The following MACROD2 variants were observed in gnomAD, a reference collection of about 807,000 sequenced individuals.
MACROD2 encodes ADP-ribose glycohydrolase MACROD2.
A neutral mutation model predicts 70.4 loss-of-function variants in MACROD2; 36 were observed. The observed-to-expected ratio is 0.51, with a 90% CI of 0.39 to 0.68. The LOEUF is 0.68. Among genes scored for constraint, MACROD2 ranks in the 30% least tolerant of loss-of-function variants. The pLI, the probability that MACROD2 is intolerant of heterozygous loss-of-function variation, is 0.00. For synonymous variants in MACROD2, 172 were observed against 178.8 expected (o/e 0.96, Z 0.30); for missense variants, 496 against 538.4 (o/e 0.92, Z 0.78).
intron 3 of MACROD2, among the ~76,000 whole-genome samples, chr20:14,242,145 C>T (rs1478465813): frequency 6.6e-6 from 1 of 152,012 alleles, no homozygotes; most frequent in Non-Finnish European, 1.5e-5. Context: ...AACATGTAGT[C>T]CTGCATACAT....
At chr20:15,213,974 G>C (rs1011431452) in intron 5 of MACROD2, among the ~76,000 whole-genome samples, 12 of 151,706 alleles carry the variant, frequency 7.9e-5, no homozygotes, top group Admixed American at 2.6e-4. Flanking sequence ...TAAATTCCTG[G>C]CCTCAACTGA....
At chr20:15,830,015 G>T (rs906311340) in intron 8 of MACROD2, among the ~76,000 whole-genome samples, 2 of 152,176 alleles carry the variant, frequency 1.3e-5, no homozygotes, top group African/African-American at 4.8e-5. Context: ...CTGCAGGCAG[G>T]TGTGTATGAA....
chr20:15,182,261 G>C (rs550010414), intron 5 of MACROD2, among the ~76,000 whole-genome samples: 4 of 152,182 alleles, frequency 2.6e-5, no homozygotes, highest in Non-Finnish European at 5.9e-5. Flanking sequence ...TGGAGAGAGG[G>C]AGGGGAATAA....
At chr20:15,826,061 G>GTGC (rs1197295725) in intron 8 of MACROD2, among the ~76,000 whole-genome samples, 1 of 152,180 alleles carries the variant, frequency 6.6e-6, no homozygotes, top group African/African-American at 2.4e-5. Context: ...TCAGAAGGCA[G>GTGC]TGCTGTCTGC....
chr20:14,673,247 G>A (rs961132442), intron 4 of MACROD2, among the ~76,000 whole-genome samples: 5 of 152,176 alleles, frequency 3.3e-5, no homozygotes, highest in Non-Finnish European at 7.4e-5. Flanking sequence ...TTTGATTTAT[G>A]AGAGTCAGGA....
At chr20:14,979,840 G>A (rs1213756519) in intron 5 of MACROD2, among the ~76,000 whole-genome samples, 1 of 152,156 alleles carries the variant, frequency 6.6e-6, no homozygotes, top group Non-Finnish European at 1.5e-5. Context: ...ACTGAATTGA[G>A]TTTTGCCTTT....
intron 3 of MACROD2, among the ~76,000 whole-genome samples, chr20:14,160,700 T>A (rs2148717202): frequency 6.6e-6 from 1 of 152,190 alleles, no homozygotes; most frequent in East Asian, 1.9e-4. Context: ...CTTTTATATG[T>A]TTTTTAGTTT....
At chr20:14,818,410 C>T (rs1234471297) in intron 5 of MACROD2, among the ~76,000 whole-genome samples, 3 of 152,054 alleles carry the variant, frequency 2.0e-5, no homozygotes, top group Middle Eastern at 6.8e-3. Context: ...TGTCTTAGCC[C>T]GCTGGTCTCT....
chr20:15,799,714 C>T (rs956075807), intron 8 of MACROD2, among the ~76,000 whole-genome samples: 19 of 152,072 alleles, frequency 1.2e-4, no homozygotes, highest in African/African-American at 4.6e-4. Context: ...AGGTTGATTC[C>T]CCACCTTGAC....
In MACROD2 at chr20:14,134,720, G is replaced by T. The variant is rs542259746; in HGVS notation, c.271+48992G>T. On this transcript the variant is annotated intron_variant, in intron 3 of 17. Coordinates refer to ENST00000684519, the MANE Select transcript of MACROD2 (RefSeq NM_001351661.2). The stretch of plus-strand genomic sequence containing the variant: ...CTCAGGAGGCGGAGGCAGGAGAATC[G>T]CTTGAACCAGGAAGTCGGAAGTTGC... 3.1e-3 allele frequency among the ~76,000 whole-genome samples: 450 copies of T among 142,910 alleles called. 2 individuals carry two copies. The highest frequency in any genetic ancestry group is 0.011 in the African/African-American group (423 of 38,326). 93.8% of individuals were successfully genotyped at this position (142,910 alleles called of 152,430 possible).
At position 15,101,366 on chromosome 20, in the gene MACROD2, G is replaced by T. The variant is rs916409398; in HGVS notation, c.419-128574G>T. 5.3e-5 allele frequency among the ~76,000 whole-genome samples: 8 copies of T among 151,728 alleles called. No homozygotes were observed. The East Asian group carries it at 1.4e-3, about 26-fold the overall frequency. On this transcript the variant is annotated intron_variant, in intron 5 of 17. Coordinates refer to ENST00000684519, the MANE Select transcript of MACROD2 (RefSeq NM_001351661.2). Reference sequence around the variant, plus strand: ...TTACACAGTTTAGTTTAGTTCATCTGCAGATCCTTCTATTTTTGATTTATT... The same window carrying T: ...TTACACAGTTTAGTTTAGTTCATCTTCAGATCCTTCTATTTTTGATTTATT...
At chr20:14,301,520 C>T (rs1186098858) in intron 3 of MACROD2, among the ~76,000 whole-genome samples, 1 of 152,090 alleles carries the variant, frequency 6.6e-6, no homozygotes, top group Non-Finnish European at 1.5e-5. Context: ...AACCACTGAA[C>T]AACAAAGATC....
In MACROD2 at chr20:13,995,852, T is replaced by TGGGGGGGGGGGGGGGGGGGG; in HGVS notation, c.46+43_46+44insGGGGGGGGGGGGGGGGGGGG. On this transcript the variant is annotated intron_variant, in intron 1 of 17. Transcript: ENST00000684519. This position sits in a 1 kb window ranked among gnomAD's most constrained non-coding sequence, Gnocchi z 4.3. ...TCCTGGGGGTGCGGGCGGTGGGGGTTAGGGTGGGGGCGGGGGTCAGGCTGT... is the reference window on the plus strand; with the variant it reads ...TCCTGGGGGTGCGGGCGGTGGGGGTTGGGGGGGGGGGGGGGGGGGGAGGGTGGGGGCGGGGGTCAGGCTGT... 1 of 782,406 alleles carries TGGGGGGGGGGGGGGGGGGGG rather than the reference T, an allele frequency of 1.3e-6. No individual in the cohort carries two copies. The highest frequency in any genetic ancestry group is 2.0e-6 in the Non-Finnish European group (1 of 496,714). 48.5% of individuals were successfully genotyped at this position (782,406 alleles called of 1,614,324 possible).
intron 6 of MACROD2, among the ~76,000 whole-genome samples, chr20:15,238,045 A>G (rs1047443738): frequency 1.3e-5 from 2 of 152,190 alleles, no homozygotes; most frequent in Admixed American, 6.5e-5. Flanking sequence ...GATAAATGTC[A>G]TTTCTGCATA....
At chr20:15,066,738 C>T (rs761857220) in intron 5 of MACROD2, among the ~76,000 whole-genome samples, 1 of 151,820 alleles carries the variant, frequency 6.6e-6, no homozygotes, top group Non-Finnish European at 1.5e-5. Context: ...AAAAATTATG[C>T]AGGCGTGGTG....
At chr20:14,977,031 C>T (rs1340264140) in intron 5 of MACROD2, among the ~76,000 whole-genome samples, 2 of 152,086 alleles carry the variant, frequency 1.3e-5, no homozygotes, top group Non-Finnish European at 2.9e-5. Flanking sequence ...ATCACGTGAT[C>T]GAAAGATGTC....
rs564070988 is a variant in MACROD2, at chr20:14,145,129, A to G, written c.271+59401A>G. 3.2e-3 allele frequency among the ~76,000 whole-genome samples: 483 copies of G among 152,308 alleles called. 2 individuals are homozygous for G. The highest frequency in any genetic ancestry group is 0.011 in the African/African-American group (457 of 41,568). The stretch of plus-strand genomic sequence containing the variant: ...AGATACATTAATTATGAATTACTAT[A>G]TACCTCTACAAAAAAAGCACTGTAT... On this transcript the variant is annotated intron_variant, in intron 3 of 17. Transcript: ENST00000684519.
At chr20:14,170,724 A>T (rs2081212872) in intron 3 of MACROD2, among the ~76,000 whole-genome samples, 1 of 151,970 alleles carries the variant, frequency 6.6e-6, no homozygotes, top group East Asian at 1.9e-4. Flanking sequence ...TATCTTTCTG[A>T]TATGCTGTTG....
chr20:15,492,402 T>C (rs2047243463), intron 7 of MACROD2, among the ~76,000 whole-genome samples: 1 of 152,172 alleles, frequency 6.6e-6, no homozygotes. Context: ...TGTGCGTGTG[T>C]GTGTGTTCAG....
Sources: allele counts gnomAD v4.1 joint callset (sites outside exome capture counted in the v4.1 genomes callset), GRCh38; gene constraint gnomAD v4.1.1; non-coding constraint Gnocchi (gnomAD v3.1); transcripts MANE v1.5; gene names NCBI Gene and HGNC (gene_info 2026-07-23, HGNC 2026-07-21).